The following ANGPT1 variants were observed in gnomAD, a reference collection of about 807,000 sequenced individuals.
ANGPT1 encodes the protein angiopoietin-1.
A neutral mutation model predicts 62.2 loss-of-function variants in ANGPT1; 17 were observed. The observed-to-expected ratio is 0.27, with a 90% confidence interval of 0.19 to 0.41. ANGPT1 has a LOEUF of 0.41. Among genes scored for constraint, ANGPT1 ranks in the 10% least tolerant of loss-of-function variants. The pLI, the probability that ANGPT1 is intolerant of heterozygous loss-of-function variation, is 1.00. For synonymous variants in ANGPT1, 199 were observed against 198.9 expected (o/e 1.00, Z 0.00); for missense variants, 478 against 594.9 (o/e 0.80, Z 2.04).
chr8:107,292,174 C>T (rs1264406447), intron 6 of ANGPT1, among the ~76,000 whole-genome samples: 1 of 152,134 alleles, frequency 6.6e-6, no homozygotes, highest in African/African-American at 2.4e-5. Context: ...TACCTCCATC[C>T]AGTTAACTAA....
intron 1 of ANGPT1, among the ~76,000 whole-genome samples, chr8:107,356,523 G>T (rs1816050025): frequency 1.3e-5 from 2 of 152,014 alleles, no homozygotes; most frequent in South Asian, 4.2e-4. Flanking sequence ...TAGAAGGGAG[G>T]GCATACATTT....
At chr8:107,472,377 T>A (rs1343049748) in intron 1 of ANGPT1, among the ~76,000 whole-genome samples, 3 of 152,056 alleles carry the variant, frequency 2.0e-5, no homozygotes, top group Non-Finnish European at 4.4e-5. Flanking sequence ...TATGCTCACC[T>A]CCTTGGCGAT....
intron 6 of ANGPT1, among the ~76,000 whole-genome samples, chr8:107,289,882 T>A (rs1289721114): frequency 6.6e-6 from 1 of 152,156 alleles, no homozygotes; most frequent in African/African-American, 2.4e-5. Context: ...CATTGCGTTT[T>A]ATATGTGAAA....
intron 1 of ANGPT1, among the ~76,000 whole-genome samples, chr8:107,476,876 TA>T (rs1812546890): frequency 6.6e-6 from 1 of 152,178 alleles, no homozygotes; most frequent in Non-Finnish European, 1.5e-5. Flanking sequence ...TTATGTTCAT[TA>T]TGATTTTCCC....
intron 4 of ANGPT1, among the ~76,000 whole-genome samples, chr8:107,319,785 C>T (rs1815107516): frequency 6.6e-6 from 1 of 151,920 alleles, no homozygotes; most frequent in African/African-American, 2.4e-5. Flanking sequence ...TTATGAGAGC[C>T]ACTTTCCACT....
intron 7 of ANGPT1, among the ~76,000 whole-genome samples, chr8:107,271,536 T>C (rs1813735205): frequency 1.3e-5 from 2 of 151,900 alleles, no homozygotes; most frequent in South Asian, 4.1e-4. Context: ...ATACAGCTCA[T>C]GAGGACAGGC....
At chr8:107,263,261 G>A (rs1813535343) in intron 8 of ANGPT1, among the ~76,000 whole-genome samples, 1 of 150,872 alleles carries the variant, frequency 6.6e-6, no homozygotes, top group Non-Finnish European at 1.5e-5. Context: ...GGCTGAGGCA[G>A]GAGAATCGCT....
At chr8:107,333,686 C>T (rs1275292999) in intron 3 of ANGPT1, among the ~76,000 whole-genome samples, 1 of 151,996 alleles carries the variant, frequency 6.6e-6, no homozygotes, top group Non-Finnish European at 1.5e-5. Context: ...ATGGAAGCCC[C>T]TTCTACCTGA....
intron 2 of ANGPT1, among the ~76,000 whole-genome samples, chr8:107,340,440 T>C (rs570575031): frequency 2.0e-5 from 3 of 152,304 alleles, no homozygotes; most frequent in African/African-American, 7.2e-5. Context: ...CAAGAGAAAG[T>C]GAGCTGGAAA....
intron 1 of ANGPT1, among the ~76,000 whole-genome samples, chr8:107,434,272 T>C (rs2053741044): frequency 6.6e-6 from 1 of 152,112 alleles, no homozygotes; most frequent in African/African-American, 2.4e-5. Context: ...GCATGTGTAA[T>C]AGGCCGGGCG....
At position 107,301,653 on chromosome 8, in the gene ANGPT1, G is replaced by T. The variant is rs909000653; in HGVS notation, c.936+1587C>A. 3.3e-5 allele frequency among the ~76,000 whole-genome samples: 5 copies of T among 151,918 alleles called. No individual in the cohort carries two copies. In the East Asian group the frequency reaches 9.7e-4, roughly 29 times the overall value. On this transcript the variant is annotated intron_variant, in intron 5 of 8. Transcript: ENST00000517746. Reference sequence around the variant, plus strand: ...AAAACAGCAAAACCACACTTCTCTGGTAGATGGCTGAGGTAGCAAAGTACA... The same window carrying T: ...AAAACAGCAAAACCACACTTCTCTGTTAGATGGCTGAGGTAGCAAAGTACA...
chr8:107,418,730 TA>T (rs549975344), intron 1 of ANGPT1, among the ~76,000 whole-genome samples: 109 of 152,092 alleles, frequency 7.2e-4, no homozygotes, highest in African/African-American at 2.4e-3. Context: ...TCATGAAAAA[TA>T]AAAACTTTGG....
At chr8:107,266,934 A>G (rs1278579748) in intron 7 of ANGPT1, among the ~76,000 whole-genome samples, 1 of 152,146 alleles carries the variant, frequency 6.6e-6, no homozygotes, top group Non-Finnish European at 1.5e-5. Context: ...TTGAGAAGAA[A>G]AGCAAAAAGA....
intron 1 of ANGPT1, among the ~76,000 whole-genome samples, chr8:107,413,522 T>C (rs545683029): frequency 5.5e-4 from 84 of 151,574 alleles, no homozygotes; most frequent in Non-Finnish European, 1.2e-3. Flanking sequence ...TAAATAAGAT[T>C]TAGTGAACTA....
intron 2 of ANGPT1, among the ~76,000 whole-genome samples, chr8:107,341,183 A>G (rs966865525): frequency 1.3e-5 from 2 of 152,218 alleles, no homozygotes; most frequent in Admixed American, 6.5e-5. Flanking sequence ...AAGAGATCCA[A>G]TAGGAAGTGA....
chr8:107,399,060 C>T (rs1404202288), intron 1 of ANGPT1, among the ~76,000 whole-genome samples: 1 of 152,148 alleles, frequency 6.6e-6, no homozygotes, highest in Non-Finnish European at 1.5e-5. Flanking sequence ...TCCAGAATAT[C>T]CAACTTTCAC....
At chr8:107,387,241 C>T (rs1244920046) in intron 1 of ANGPT1, among the ~76,000 whole-genome samples, 3 of 152,064 alleles carry the variant, frequency 2.0e-5, no homozygotes, top group Non-Finnish European at 4.4e-5. Context: ...GTATGAGCAA[C>T]GTTGATGAAA....
intron 1 of ANGPT1, among the ~76,000 whole-genome samples, chr8:107,449,003 G>A (rs934610757): frequency 2.0e-5 from 3 of 152,140 alleles, no homozygotes; most frequent in South Asian, 2.1e-4. Flanking sequence ...TGATGGCAGA[G>A]GACATAGGAG....
intron 6 of ANGPT1, among the ~76,000 whole-genome samples, chr8:107,290,617 T>C (rs79816205): frequency 0.018 from 2,743 of 152,330 alleles, 64 homozygotes; most frequent in African/African-American, 0.059. Flanking sequence ...TTGTAACATA[T>C]GATGAATATT....
Sources: gnomAD v4.1 joint callset for allele counts (sites outside exome capture counted in the v4.1 genomes callset) on GRCh38, gnomAD v4.1.1 for gene constraint, MANE v1.5 for transcripts, NCBI Gene and HGNC (gene_info 2026-07-23, HGNC 2026-07-21) for gene names.